PTBP2: variants seen among roughly 807,000 people sequenced by gnomAD.
PTBP2 encodes polypyrimidine tract-binding protein 2.
In PTBP2, 13 loss-of-function variants were observed where a neutral mutation model predicts 61.4. The ratio of observed to expected loss-of-function variants is 0.21; its 90% CI spans 0.14 to 0.34. The LOEUF (loss-of-function observed/expected upper bound fraction) is 0.34. Ranked by LOEUF, PTBP2 falls within the 10% of genes least tolerant of loss-of-function variation. The pLI is 1.00. For synonymous variants in PTBP2, 215 were observed against 218.5 expected (o/e 0.98, Z 0.14); for missense variants, 405 against 642.6 (o/e 0.63, Z 4.00).
chr1:96,795,681 A>C (rs992250913), intron 8 of PTBP2, among the ~76,000 whole-genome samples: 1 of 152,238 alleles, frequency 6.6e-6, no homozygotes, highest in African/African-American at 2.4e-5. Flanking sequence ...ATATAAATCA[A>C]ATTACAAGGA....
chr1:96,785,328 C>A, intron 8 of PTBP2, 74 bp downstream of exon 8: 2 of 1,214,758 alleles, frequency 1.6e-6, no homozygotes, highest in Non-Finnish European at 2.2e-6. Context: ...TATAATGAAT[C>A]CCCCCATTTT....
intron 8 of PTBP2, among the ~76,000 whole-genome samples, chr1:96,793,125 C>T (rs1660021665): frequency 1.3e-5 from 2 of 152,024 alleles, no homozygotes; most frequent in Non-Finnish European, 2.9e-5. Flanking sequence ...CCTAACTGTC[C>T]CATAACTTCG....
At chr1:96,811,955 G>A (rs1176328984) in intron 11 of PTBP2, among the ~76,000 whole-genome samples, 1 of 152,122 alleles carries the variant, frequency 6.6e-6, no homozygotes, top group African/African-American at 2.4e-5. Context: ...TAGAGACAAA[G>A]GTTTGGATTT....
intron 2 of PTBP2, among the ~76,000 whole-genome samples, chr1:96,750,890 C>G (rs1030335730): frequency 6.6e-6 from 1 of 151,966 alleles, no homozygotes; most frequent in Non-Finnish European, 1.5e-5. Flanking sequence ...TAAGACATGA[C>G]CTTATTTTTT....
intron 8 of PTBP2, among the ~76,000 whole-genome samples, chr1:96,799,803 G>A (rs1328313429): frequency 6.6e-6 from 1 of 152,134 alleles, no homozygotes; most frequent in African/African-American, 2.4e-5. Context: ...TATAAATAGT[G>A]CATCATGAAA....
chr1:96,797,668 A>G (rs947238751), intron 8 of PTBP2, among the ~76,000 whole-genome samples: 4 of 152,036 alleles, frequency 2.6e-5, no homozygotes, highest in Non-Finnish European at 5.9e-5. Flanking sequence ...CTTGCATAAA[A>G]TGGTATAGTG....
chr1:96,766,461 C>T (rs1656713480), intron 3 of PTBP2, among the ~76,000 whole-genome samples: 1 of 152,092 alleles, frequency 6.6e-6, no homozygotes, highest in South Asian at 2.1e-4. Flanking sequence ...CCCAGTAAAC[C>T]TTTCCCATTC....
intron 2 of PTBP2, among the ~76,000 whole-genome samples, chr1:96,724,144 C>A (rs892177254): frequency 7.2e-5 from 11 of 152,140 alleles, no homozygotes; most frequent in African/African-American, 2.4e-4. Context: ...CTTTGGAATC[C>A]TTCCTTTTTG....
intron 8 of PTBP2, among the ~76,000 whole-genome samples, chr1:96,786,487 T>C (rs1043102801): frequency 2.0e-5 from 3 of 152,186 alleles, no homozygotes; most frequent in African/African-American, 7.2e-5. Flanking sequence ...TTAATAAGAT[T>C]GAATATTTCA....
intron 2 of PTBP2, among the ~76,000 whole-genome samples, chr1:96,747,808 A>G (rs189644873): frequency 2.0e-4 from 30 of 151,596 alleles, no homozygotes; most frequent in African/African-American, 7.2e-4. Flanking sequence ...GTTCTTGGCT[A>G]TGTGGTCTGT....
chr1:96,740,737 A>G (rs1418562551), intron 2 of PTBP2, among the ~76,000 whole-genome samples: 2 of 151,902 alleles, frequency 1.3e-5, no homozygotes, highest in African/African-American at 2.4e-5. Context: ...ATCATGCTGT[A>G]TGTATTCTGT....
intron 3 of PTBP2, among the ~76,000 whole-genome samples, chr1:96,768,943 T>G (rs1657064092): frequency 6.6e-6 from 1 of 152,024 alleles, no homozygotes; most frequent in Non-Finnish European, 1.5e-5. Flanking sequence ...TCAAACAATT[T>G]ATAATTTCTC....
At chr1:96,799,273 C>A (rs545311598) in intron 8 of PTBP2, among the ~76,000 whole-genome samples, 11 of 138,702 alleles carry the variant, frequency 7.9e-5, no homozygotes, top group Non-Finnish European at 1.7e-4. Flanking sequence ...ATCTTTATAG[C>A]AATCCTCAGA....
chr1:96,802,027 C>T (rs1404721518), intron 8 of PTBP2, among the ~76,000 whole-genome samples: 10 of 151,148 alleles, frequency 6.6e-5, no homozygotes, highest in East Asian at 2.0e-4. Context: ...TTGGCTAACA[C>T]GGTGAAACCC....
downstream of PTBP2, chr1:96,819,178 G>A (rs934502916): frequency 6.6e-6 from 1 of 151,850 alleles, no homozygotes. Context: ...TTCATAAATA[G>A]CTTTTCTATT....
intron 6 of PTBP2, 37 bp from the exon 7 acceptor site, chr1:96,777,799 G>A: frequency 6.5e-7 from 1 of 1,528,836 alleles, no homozygotes; most frequent in East Asian, 2.3e-5. Flanking sequence ...TAATAATATA[G>A]TAAATAAGTA....
At position 96,810,583 on chromosome 1, in the gene PTBP2, G is replaced by A. The variant is rs188208326; in HGVS notation, c.1172-2129G>A. Among the ~76,000 whole-genome samples the A allele has an allele frequency of 6.3e-3, 957 of 152,228 alleles. 8 individuals are homozygous for A. The highest frequency in any genetic ancestry group is 0.01 in the Admixed American group (157 of 15,290). On this transcript the variant is annotated intron_variant, in intron 11 of 13. Coordinates refer to ENST00000674951, the MANE Select transcript of PTBP2 (RefSeq NM_021190.4). Reference sequence around the variant, plus strand: ...CTATCACTCATCTGTTCTGTATGCAGTTACTATGCCTGGGACTTATTTTCT... The same window carrying A: ...CTATCACTCATCTGTTCTGTATGCAATTACTATGCCTGGGACTTATTTTCT...
intron 2 of PTBP2, among the ~76,000 whole-genome samples, chr1:96,740,672 T>C (rs955643232): frequency 6.6e-6 from 1 of 152,144 alleles, no homozygotes; most frequent in Non-Finnish European, 1.5e-5. Flanking sequence ...GTTTATGTAT[T>C]TTTATCTTAA....
intron 2 of PTBP2, among the ~76,000 whole-genome samples, chr1:96,729,656 TTGTATCTTC>T (rs1651105798): frequency 6.6e-6 from 1 of 152,152 alleles, no homozygotes; most frequent in African/African-American, 2.4e-5. Flanking sequence ...CTTTGGTAAT[TTGTATCTTC>T]TGTAGAACTA....
Sources: gnomAD v4.1 joint callset for allele counts (sites outside exome capture counted in the v4.1 genomes callset) on GRCh38, gnomAD v4.1.1 for gene constraint, MANE v1.5 for transcripts, NCBI Gene and HGNC (gene_info 2026-07-23, HGNC 2026-07-21) for gene names.